The following SLC35F4 variants were observed in gnomAD, a reference collection of about 807,000 sequenced individuals.
SLC35F4 encodes the protein solute carrier family 35 member F4.
Under a neutral mutation model 44.2 loss-of-function variants are expected in SLC35F4, and 24 were observed. That is an observed-to-expected ratio of 0.54 (90% CI 0.39 to 0.76). The LOEUF is 0.76. SLC35F4 is among the 30% of genes least tolerant of loss of function. The pLI is 0.00. For synonymous variants in SLC35F4, 238 were observed against 223.6 expected, an observed-to-expected ratio of 1.06 and a Z score of -0.57; for missense variants, 562 against 586.1, an observed-to-expected ratio of 0.96 and a Z score of 0.42.
intron 1 of SLC35F4, among the ~76,000 whole-genome samples, chr14:57,767,917 T>G (rs1053386083): frequency 1.3e-5 from 2 of 152,110 alleles, no homozygotes; most frequent in Non-Finnish European, 2.9e-5. Flanking sequence ...TTAGAAGAAA[T>G]GGACCAGTCT....
intron 1 of SLC35F4, among the ~76,000 whole-genome samples, chr14:57,851,599 C>T (rs1031219494): frequency 4.6e-5 from 7 of 152,094 alleles, no homozygotes; most frequent in African/African-American, 1.7e-4. Context: ...GATCCAAGCC[C>T]TAAAATGTGT....
At chr14:57,934,972 T>C (rs915627462) in intron 1 of SLC35F4, among the ~76,000 whole-genome samples, 7 of 152,082 alleles carry the variant, frequency 4.6e-5, no homozygotes, top group African/African-American at 1.7e-4. Context: ...GTGCACTGAA[T>C]TACCAACCCC....
chr14:57,930,196 A>C (rs910926207), intron 1 of SLC35F4, among the ~76,000 whole-genome samples: 3 of 152,220 alleles, frequency 2.0e-5, no homozygotes. Flanking sequence ...ATTCAGTGTG[A>C]TTTCCTTCCT....
At chr14:57,719,753 G>T (rs998884796) in intron 1 of SLC35F4, among the ~76,000 whole-genome samples, 1 of 152,096 alleles carries the variant, frequency 6.6e-6, no homozygotes, top group African/African-American at 2.4e-5. Context: ...GGTAGCATCT[G>T]CAAACAATGA....
At chr14:57,871,920 A>T (rs1888303144) in intron 1 of SLC35F4, among the ~76,000 whole-genome samples, 1 of 152,208 alleles carries the variant, frequency 6.6e-6, no homozygotes, top group Non-Finnish European at 1.5e-5. Context: ...TTTAATTTTC[A>T]AGTTCTATTC....
chr14:57,694,022 T>G (rs1024240782), intron 1 of SLC35F4, among the ~76,000 whole-genome samples: 4 of 152,204 alleles, frequency 2.6e-5, no homozygotes, highest in Admixed American at 2.6e-4. Context: ...TAGAAAACAG[T>G]AAATTATAAC....
At chr14:57,704,806 T>C (rs1018755199) in intron 1 of SLC35F4, among the ~76,000 whole-genome samples, 1 of 152,198 alleles carries the variant, frequency 6.6e-6, no homozygotes, top group African/African-American at 2.4e-5. Context: ...GTTGATGTTA[T>C]GTGCATGAGA....
intron 3 of SLC35F4, among the ~76,000 whole-genome samples, chr14:57,587,323 C>T (rs575590339): frequency 4.6e-5 from 7 of 152,262 alleles, no homozygotes; most frequent in Non-Finnish European, 7.3e-5. Context: ...CACACGCACA[C>T]GTATGTTTAT....
chr14:57,961,828 G>T (rs973337653), intron 1 of SLC35F4, among the ~76,000 whole-genome samples: 8 of 152,068 alleles, frequency 5.3e-5, no homozygotes, highest in Admixed American at 3.9e-4. Context: ...TGCCTCAACT[G>T]ACGACTTTAA....
At chr14:57,885,691 T>C (rs747522956) in intron 1 of SLC35F4, among the ~76,000 whole-genome samples, 1 of 152,184 alleles carries the variant, frequency 6.6e-6, no homozygotes, top group Admixed American at 6.5e-5. Context: ...CTAGTGGCTA[T>C]TGAGTTGGAC....
At chr14:57,697,378 G>T (rs988103614) in intron 1 of SLC35F4, among the ~76,000 whole-genome samples, 1 of 151,838 alleles carries the variant, frequency 6.6e-6, no homozygotes, top group Admixed American at 6.6e-5. Context: ...TGGTTTAATG[G>T]CCCTGAATAT....
chr14:57,683,741 T>C (rs1241836452), intron 1 of SLC35F4, among the ~76,000 whole-genome samples: 1 of 152,204 alleles, frequency 6.6e-6, no homozygotes, highest in African/African-American at 2.4e-5. Flanking sequence ...GCCTAAATAC[T>C]TGATTCAGCC....
Position 57,620,050 on chromosome 14 carries a change from C to T in SLC35F4, c.104-25926G>A, listed in dbSNP as rs565909799. Among the ~76,000 whole-genome samples the T allele has an allele frequency of 2.0e-5, 3 of 152,134 alleles. No individual in the cohort carries two copies. The South Asian group carries it at 6.3e-4, about 32-fold the overall frequency. On this transcript the variant is annotated intron_variant, in intron 1 of 7. Coordinates refer to ENST00000556826, the MANE Select transcript of SLC35F4 (RefSeq NM_001306087.2). ...AGAAATATGGGACTATGTGAAAAGA[C>T]CAAATGTGTGTTTGATTGGTGTACC...
chr14:57,918,346 C>T (rs1889372836), intron 1 of SLC35F4, among the ~76,000 whole-genome samples: 1 of 152,174 alleles, frequency 6.6e-6, no homozygotes, highest in Non-Finnish European at 1.5e-5. Context: ...GTACTGACTC[C>T]TCTGAAGATT....
intron 1 of SLC35F4, among the ~76,000 whole-genome samples, chr14:57,655,337 G>C (rs1034114930): frequency 2.6e-5 from 4 of 152,134 alleles, no homozygotes; most frequent in Admixed American, 6.5e-5. Context: ...GGGAGAACAA[G>C]ATAGTGTCTG....
chr14:57,688,208 G>A (rs2075123369), intron 1 of SLC35F4, among the ~76,000 whole-genome samples: 2 of 152,194 alleles, frequency 1.3e-5, no homozygotes, highest in East Asian at 1.9e-4. Flanking sequence ...GGTCATGAGA[G>A]AGACAGACAG....
intron 1 of SLC35F4, among the ~76,000 whole-genome samples, chr14:57,635,369 G>A (rs1328807867): frequency 6.6e-6 from 1 of 151,994 alleles, no homozygotes; most frequent in Non-Finnish European, 1.5e-5. Context: ...TGCGGAGAGG[G>A]GTCGGAGGGA....
chr14:57,644,871 A>T (rs938276261), intron 1 of SLC35F4, among the ~76,000 whole-genome samples: 1 of 152,220 alleles, frequency 6.6e-6, no homozygotes, highest in African/African-American at 2.4e-5. Flanking sequence ...CATTTATTAA[A>T]TAGGGAATCC....
rs1594678442 is a variant in SLC35F4 at position 57,642,845 on chromosome 14, A to G, written c.104-48721T>C. On this transcript the variant is annotated intron_variant, in intron 1 of 7. Coordinates refer to ENST00000556826, the MANE Select transcript of SLC35F4 (RefSeq NM_001306087.2). ...ATAAGAAAAAAATGTCAATTTAAAT[A>G]AAACATTTAATTATTTAGGTGGTTT... Among the ~76,000 whole-genome samples, 3 of 152,134 alleles carry G rather than the reference A, an allele frequency of 2.0e-5. No homozygotes were observed. In the East Asian group the frequency reaches 5.8e-4, roughly 29 times the overall value.
Sources: gnomAD v4.1 joint callset for allele counts (sites outside exome capture counted in the v4.1 genomes callset) on GRCh38, gnomAD v4.1.1 for gene constraint, MANE v1.5 for transcripts, NCBI Gene and HGNC (gene_info 2026-07-23, HGNC 2026-07-21) for gene names.